The following CCDC50 variants were observed in gnomAD, a reference collection of about 807,000 sequenced individuals.
CCDC50 encodes the protein coiled-coil domain containing 50.
CCDC50 carries 54 observed loss-of-function variants against 70.2 expected under a neutral mutation model. The observed-to-expected ratio is 0.77, with a 90% CI of 0.62 to 0.96. The LOEUF (loss-of-function observed/expected upper bound fraction) is 0.96. Ranked by LOEUF, CCDC50 falls within the 50% of genes least tolerant of loss-of-function variation. CCDC50 has a pLI of 0.00. For missense variants in CCDC50, 558 were observed against 578.7 expected (o/e 0.96, Z 0.37); for synonymous variants, 216 against 198.8 (o/e 1.09, Z -0.73).
chr3:191,367,549 A>G (rs991205666), intron 4 of CCDC50, among the ~76,000 whole-genome samples: 1 of 152,154 alleles, frequency 6.6e-6, no homozygotes, highest in African/African-American at 2.4e-5. Context: ...ACTAATACCA[A>G]TTTTGGGGAG....
chr3:191,380,556 C>A (rs1006985192), intron 7 of CCDC50, 131 bp from the exon 8 acceptor site: 1 of 893,396 alleles, frequency 1.1e-6, no homozygotes, highest in Non-Finnish European at 1.8e-6. Flanking sequence ...GAAAGCATAC[C>A]AACTGATTAT....
intron 1 of CCDC50, among the ~76,000 whole-genome samples, chr3:191,336,041 A>G (rs981424608): frequency 1.3e-5 from 2 of 152,028 alleles, no homozygotes; most frequent in Non-Finnish European, 2.9e-5. Context: ...CTCCTCAAAC[A>G]TACTGTTTAT....
At chr3:191,347,152 A>G (rs1041206156) in intron 1 of CCDC50, among the ~76,000 whole-genome samples, 1 of 142,382 alleles carries the variant, frequency 7.0e-6, no homozygotes, top group African/African-American at 2.5e-5. Flanking sequence ...TGTGATGTTT[A>G]TTGCAGGATA....
chr3:191,360,313 A>T (rs1712439543), intron 3 of CCDC50, among the ~76,000 whole-genome samples: 1 of 152,222 alleles, frequency 6.6e-6, no homozygotes, highest in African/African-American at 2.4e-5. Flanking sequence ...TATTTTCTGT[A>T]CCAGGAGATA....
At chr3:191,348,790 G>A (rs1712009416) in intron 1 of CCDC50, among the ~76,000 whole-genome samples, 1 of 142,458 alleles carries the variant, frequency 7.0e-6, no homozygotes, top group Admixed American at 7.2e-5. Context: ...GTCATACTGT[G>A]TTTAGATTTT....
intron 1 of CCDC50, among the ~76,000 whole-genome samples, chr3:191,329,943 G>GT (rs200621344): frequency 0.38 from 24,057 of 63,262 alleles, 2,935 homozygotes; most frequent in East Asian, 0.63. Context: ...GGGGGTGGTT[G>GT]GGGGGGGGGG....
chr3:191,357,028 T>G, intron 1 of CCDC50, 60 bp from the exon 2 acceptor site: 1 of 1,069,944 alleles, frequency 9.3e-7, no homozygotes, highest in Non-Finnish European at 1.5e-6. Context: ...AATCCTTTCC[T>G]TTGTATGTTA....
rs772224197 is a variant in CCDC50 at position 191,397,691 on chromosome 3, C to T, written c.*5931C>T. The T allele has an allele frequency of 6.6e-5, 10 of 152,176 alleles. No homozygotes were observed. Among genetic ancestry groups the T allele is most frequent in the South Asian group, 4.1e-4 (2 of 4,830 alleles). 9.4% of individuals were successfully genotyped at this position (152,176 alleles called of 1,614,324 possible). A position where few individuals can be genotyped will look rare whatever the true frequency, so the allele number is the denominator to read the frequency against. ...ACGTGATCTCTTGAGAGAGAGACTA[C>T]GCATTGCCTGGGCACTTTCAGATTC... On this transcript the variant is annotated 3_prime_UTR_variant, in exon 12 of 12. Transcript: ENST00000392455.
At chr3:191,348,132 T>C (rs4247190) in intron 1 of CCDC50, among the ~76,000 whole-genome samples, 14,568 of 141,804 alleles carry the variant, frequency 0.1, 2,588 homozygotes, top group East Asian at 0.24. Context: ...GAGTCTGCTG[T>C]ATGTTTGTGA....
At chr3:191,357,891 G>A in intron 2 of CCDC50, 107 bp from the exon 3 acceptor site, 1 of 1,359,426 alleles carries the variant, frequency 7.4e-7, no homozygotes, top group African/African-American at 1.4e-5. Context: ...AAAATGAAGT[G>A]ATGGATGCAA....
chr3:191,370,079 A>G (rs1413451402), intron 5 of CCDC50, 43 bp downstream of exon 5: 2 of 1,312,244 alleles, frequency 1.5e-6, no homozygotes, highest in African/African-American at 1.5e-5. Context: ...CTTAGACTCA[A>G]CCATAAAACA....
chr3:191,340,523 C>G (rs1439887660), intron 1 of CCDC50, among the ~76,000 whole-genome samples: 1 of 152,218 alleles, frequency 6.6e-6, no homozygotes, highest in Non-Finnish European at 1.5e-5. Flanking sequence ...CACTTCTACT[C>G]AACAGTTTTC....
At chr3:191,329,831 C>T in intron 1 of CCDC50, 108 bp downstream of exon 1, 2 of 1,178,056 alleles carry the variant, frequency 1.7e-6, no homozygotes, top group East Asian at 2.8e-5. Context: ...CGCCCGGTGC[C>T]CGCCCTGCGT....
intron 6 of CCDC50, among the ~76,000 whole-genome samples, chr3:191,379,709 T>C (rs2108667135): frequency 6.6e-6 from 1 of 152,268 alleles, no homozygotes; most frequent in East Asian, 1.9e-4. Context: ...CCCTCGGAAG[T>C]AGTAAGTATG....
At position 191,350,348 on chromosome 3, in the gene CCDC50, A is replaced by G. The variant is rs1475593763; in HGVS notation, c.50-6740A>G. 1.4e-5 allele frequency among the ~76,000 whole-genome samples: 2 copies of G among 142,074 alleles called. 1 individual carries two copies. Among genetic ancestry groups the G allele is most frequent in the Non-Finnish European group, 3.2e-5 (2 of 63,066 alleles). 93.2% of individuals were successfully genotyped at this position (142,074 alleles called of 152,430 possible). ...ATAATCCCTGCTTTCAAAGCAGAGTATATAGTCCCTCTGCTACTCATAGCA... is the reference window on the plus strand; with the variant it reads ...ATAATCCCTGCTTTCAAAGCAGAGTGTATAGTCCCTCTGCTACTCATAGCA... On this transcript the variant is annotated intron_variant, in intron 1 of 11. Transcript: ENST00000392455.
chr3:191,359,935 G>C (rs1712424903), intron 3 of CCDC50, among the ~76,000 whole-genome samples: 2 of 152,178 alleles, frequency 1.3e-5, no homozygotes, highest in Non-Finnish European at 1.5e-5. Context: ...CAGGAGTAGA[G>C]AGTGATATTT....
intron 11 of CCDC50, among the ~76,000 whole-genome samples, chr3:191,390,345 A>G (rs1560173926): frequency 2.0e-5 from 1 of 49,018 alleles, no homozygotes; most frequent in African/African-American, 7.3e-5. Flanking sequence ...GGATACCTCA[A>G]TTGGACGAAA....
In CCDC50 at chr3:191,329,713, A is replaced by T. The variant is rs1328365606; in HGVS notation, c.39A>T (p.Gly13=). ...EVSIDQSKLP[G]VKEVCRDFAV... ...GCATCGACCAGTCCAAGCTGCCTGGAGTCAAGGAAGGTAAGGGCCCCGGAG... is the reference window on the plus strand; with the variant it reads ...GCATCGACCAGTCCAAGCTGCCTGGTGTCAAGGAAGGTAAGGGCCCCGGAG... The change falls in exon 1 of 12, where the codon GGA becomes GGT. Residue 13 remains glycine (G), a synonymous_variant. Transcript: ENST00000392455. 3 of 1,610,078 alleles carry T rather than the reference A, an allele frequency of 1.9e-6. No homozygotes were observed. The Admixed American group carries it at 5.0e-5, about 27-fold the overall frequency.
chr3:191,329,931 A>G (rs1482530287), intron 1 of CCDC50, among the ~76,000 whole-genome samples: 1 of 36,576 alleles, frequency 2.7e-5, no homozygotes, highest in Non-Finnish European at 5.1e-5. Context: ...GTTTTTTCTC[A>G]AGGGGGTGGT....
Sources: allele counts gnomAD v4.1 joint callset (sites outside exome capture counted in the v4.1 genomes callset), GRCh38; gene constraint gnomAD v4.1.1; transcripts MANE v1.5; gene names NCBI Gene and HGNC (gene_info 2026-07-23, HGNC 2026-07-21).